CRIP2: variants seen among roughly 807,000 people sequenced by gnomAD.
The protein encoded by CRIP2 is cysteine rich protein 2, also known as cysteine-rich protein 2.
A neutral mutation model predicts 31.3 loss-of-function variants in CRIP2; 31 were observed. That is an observed-to-expected ratio of 0.99 (90% confidence interval 0.74 to 1.34). The LOEUF (loss-of-function observed/expected upper bound fraction) is 1.34. Among genes scored for constraint, CRIP2 ranks in the 40% most tolerant of loss-of-function variants. The pLI is 0.00. For synonymous variants in CRIP2, 177 were observed against 127.2 expected (o/e 1.39, Z -2.63); for missense variants, 389 against 301.6 (o/e 1.29, Z -2.15).
At chr14:105,473,392 G>A (rs113587804), upstream of CRIP2, 11 of 1,535,778 alleles carry the variant, frequency 7.2e-6, no homozygotes, top group Middle Eastern at 1.7e-4. Flanking sequence ...TGCAGGGTGT[G>A]TGTGCAAGGG....
rs748461792 is a variant in CRIP2 at position 105,479,294 on chromosome 14, T to A, written c.501+75T>A. ...GGGGGATGAGGGTGAGAGGCGCGCCTAGAGGGGATGGGGGGTGGTGCTTCT... is the reference window on the plus strand; with the variant it reads ...GGGGGATGAGGGTGAGAGGCGCGCCAAGAGGGGATGGGGGGTGGTGCTTCT... On this transcript the variant is annotated intron_variant, in intron 6 of 7. Transcript: ENST00000329146. The A allele has an allele frequency of 7.5e-6, 11 of 1,457,060 alleles. No homozygotes were observed. The East Asian group carries it at 2.6e-4, about 34-fold the overall frequency. 90.3% of individuals were successfully genotyped at this position (1,457,060 alleles called of 1,614,324 possible).
Position 105,474,836 on chromosome 14 carries a change from G to T in CRIP2, c.-27G>T. ...GCGGCCCGGAGGAGAACGGGCGGAG[G>T]GCGCGGGCCGACCGGGCGCACCGAC... On this transcript the variant is annotated 5_prime_UTR_variant, in exon 1 of 8. Coordinates refer to ENST00000329146, the MANE Select transcript of CRIP2 (RefSeq NM_001312.4). This position sits in a 1 kb window ranked among gnomAD's most constrained non-coding sequence, Gnocchi z 5.1. 1 of 1,459,068 alleles carries T rather than the reference G, an allele frequency of 6.9e-7. No individual in the cohort carries two copies. Among genetic ancestry groups the T allele is most frequent in the South Asian group, 1.3e-5 (1 of 76,290 alleles). 90.4% of individuals were successfully genotyped at this position (1,459,068 alleles called of 1,614,324 possible). A position where few individuals can be genotyped will look rare whatever the true frequency, so the allele number is the denominator to read the frequency against.
upstream of CRIP2, chr14:105,473,245 C>A (rs1057259743): frequency 6.5e-7 from 1 of 1,530,000 alleles, no homozygotes; most frequent in African/African-American, 1.4e-5. Context: ...AAGGTACTGA[C>A]TGATGCCTCC....
In CRIP2 at chr14:105,478,027, C is replaced by T. The variant is rs981910467; in HGVS notation, c.44-239C>T. ...CCCGGGCCCCTTCTCAAAGGCGGCTCTAGCGGGGTTCCAGGGCTGGGGGCG... is the reference window on the plus strand; with the variant it reads ...CCCGGGCCCCTTCTCAAAGGCGGCTTTAGCGGGGTTCCAGGGCTGGGGGCG... On this transcript the variant is annotated intron_variant, in intron 1 of 7. Coordinates refer to ENST00000329146, the MANE Select transcript of CRIP2 (RefSeq NM_001312.4). This position sits in a 1 kb window ranked among gnomAD's most constrained non-coding sequence, Gnocchi z 4.9. Among the ~76,000 whole-genome samples, 4 of 151,722 alleles carry T rather than the reference C, an allele frequency of 2.6e-5. No homozygotes were observed. The highest frequency in any genetic ancestry group is 2.0e-4 in the Admixed American group (3 of 15,262).
At position 105,479,508 on chromosome 14, in the gene CRIP2, G is replaced by T. The variant is rs371661421; in HGVS notation, c.559+15G>T. ...CGGACCCAAGGGTGAGTGTAGCCAGGGTGGTCCACGATGTCTTCCCTGCCC... is the reference window on the plus strand; with the variant it reads ...CGGACCCAAGGGTGAGTGTAGCCAGTGTGGTCCACGATGTCTTCCCTGCCC... On this transcript the variant is annotated intron_variant, in intron 7 of 7. Coordinates refer to ENST00000329146, the MANE Select transcript of CRIP2 (RefSeq NM_001312.4). The T allele has an allele frequency of 1.2e-6, 2 of 1,612,874 alleles. No individual in the cohort carries two copies. Among genetic ancestry groups the T allele is most frequent in the African/African-American group, 1.3e-5 (1 of 75,018 alleles).
intron 1 of CRIP2, chr14:105,477,339 A>G (rs1595452106): frequency 1.0e-6 from 1 of 985,516 alleles, no homozygotes; most frequent in East Asian, 1.1e-4. Flanking sequence ...AGTGGCAGCC[A>G]GGGGCATTAC....
At chr14:105,477,174 C>A in intron 1 of CRIP2, 1 of 663,326 alleles carries the variant, frequency 1.5e-6, no homozygotes, top group Non-Finnish European at 1.9e-6. Context: ...CTCTGCTGGG[C>A]CCTTCCTGCC....
upstream of CRIP2, chr14:105,473,460 A>C: frequency 2.6e-6 from 4 of 1,535,634 alleles, no homozygotes; most frequent in Non-Finnish European, 3.5e-6. Flanking sequence ...AGGAGCACCG[A>C]GGGCCTCTGG....
In CRIP2 at chr14:105,478,512, G is replaced by A. The variant is rs373608223; in HGVS notation, c.196+5G>A. On this transcript the variant is annotated splice_donor_5th_base_variant and intron_variant, in intron 3 of 7. Transcript: ENST00000329146. This position sits in a 1 kb window ranked among gnomAD's most constrained non-coding sequence, Gnocchi z 4.9. ...CCACCCTGTTCGGACCCAAAGGTGA[G>A]CTCCGGCTGCCCTCGGCCTGCCCTG... 5.0e-6 allele frequency: 8 copies of A among 1,607,728 alleles called. No homozygotes were observed. The African/African-American group carries it at 9.4e-5, about 19-fold the overall frequency.
In CRIP2 at chr14:105,478,376, CGGCGCGG is replaced by C; in HGVS notation, c.138+18_138+24del. 1 of 1,570,522 alleles carries C rather than the reference CGGCGCGG, an allele frequency of 6.4e-7. No homozygotes were observed. Among genetic ancestry groups the C allele is most frequent in the Non-Finnish European group, 8.6e-7 (1 of 1,160,926 alleles). On this transcript the variant is annotated intron_variant, in intron 2 of 7. Coordinates refer to ENST00000329146, the MANE Select transcript of CRIP2 (RefSeq NM_001312.4). This position sits in a 1 kb window ranked among gnomAD's most constrained non-coding sequence, Gnocchi z 4.9. ...CCACGCCGAGGTGAGCCCCACTGCG[CGGCGCGG>C]GCGGGGGCGGGGGTCGCGACTCCCG... is the stretch of plus-strand genomic sequence containing the variant.
rs1446949187 is a variant in CRIP2, at chr14:105,480,093, C to T, written c.*440C>T. 4 of 198,308 alleles carry T rather than the reference C, an allele frequency of 2.0e-5. No homozygotes were observed. The highest frequency in any genetic ancestry group is 1.8e-4 in the South Asian group (2 of 11,360). 12.3% of individuals were successfully genotyped at this position (198,308 alleles called of 1,614,324 possible). ...CCTGGTGCCCACACTGCCTCGCAAG[C>T]GCTCGCCACCCTCACGTGGCTCACC... On this transcript the variant is annotated 3_prime_UTR_variant, in exon 8 of 8. Transcript: ENST00000329146.
chr14:105,476,596 G>T (rs2083937483), intron 1 of CRIP2: 1 of 985,374 alleles, frequency 1.0e-6, no homozygotes, highest in Admixed American at 6.1e-5. Context: ...CCAGTTCCCT[G>T]CCCCCACTTG....
Position 105,478,771 on chromosome 14 carries a change from G to A in CRIP2, c.237G>A (p.Lys79=), listed in dbSNP as rs1320129869. ...GCGCGGGCTCCTACATCTACGAGAA[G>A]CCCCTGGCGGAGGGGCCGCAGGTCA... is the stretch of plus-strand genomic sequence containing the variant. The part of the protein sequence containing the change: ...IGGAGSYIYE[K]PLAEGPQVTG... Residue 79 remains lysine, a synonymous_variant, in exon 4 of 8, where the codon AAG becomes AAA. Coordinates refer to ENST00000329146, the MANE Select transcript of CRIP2 (RefSeq NM_001312.4). This position sits in a 1 kb window ranked among gnomAD's most constrained non-coding sequence, Gnocchi z 4.9. 7 of 1,431,160 alleles carry A rather than the reference G, an allele frequency of 4.9e-6. No homozygotes were observed. In the South Asian group the frequency reaches 5.9e-5, roughly 12 times the overall value. The allele number at this position is 1,431,160 out of a possible 1,614,324, so 88.7% of individuals were successfully genotyped here.
intron 1 of CRIP2, chr14:105,477,739 AGGCGGGCGTGTGGG>A (rs2141753638): frequency 1.6e-3 from 1 of 628 alleles, no homozygotes; most frequent in East Asian, 0.024. Context: ...GGGTGTGTGG[AGGCGGGCGTGTGGG>A]GGAGGCGGGT....
intron 1 of CRIP2, among the ~76,000 whole-genome samples, chr14:105,477,933 TGTTGGAG>T (rs2083981924): frequency 1.7e-5 from 1 of 57,380 alleles, no homozygotes; most frequent in Admixed American, 2.2e-4. Flanking sequence ...CGCGGGCAGG[TGTTGGAG>T]CGCGGGCAGG....
In CRIP2 at chr14:105,479,863, A is replaced by G; in HGVS notation, c.*210A>G. ...CCCTCTGGCATCCTCTGGGCGTCCC[A>G]TGATCCCTTCTGTGTCTGCGTGTCC... On this transcript the variant is annotated 3_prime_UTR_variant, in exon 8 of 8. Coordinates refer to ENST00000329146, the MANE Select transcript of CRIP2 (RefSeq NM_001312.4). The G allele has an allele frequency of 3.3e-6, 2 of 604,012 alleles. No individual in the cohort carries two copies. The highest frequency in any genetic ancestry group is 5.9e-6 in the Non-Finnish European group (2 of 339,080). 37.4% of individuals were successfully genotyped at this position (604,012 alleles called of 1,614,324 possible).
At position 105,478,341 on chromosome 14, in the gene CRIP2, C is replaced by G. The variant is rs781921179; in HGVS notation, c.119C>G (p.Thr40Arg). Residue 40 changes from threonine to arginine, a missense_variant, in exon 2 of 8, where the codon ACG becomes AGG. Transcript: ENST00000329146. The surrounding 1 kb of genome is among the most constrained non-coding windows in gnomAD (Gnocchi z 4.9). Reference protein sequence around the residue: ...LKCERCSKTLTPGGHAEHDGK... With the variant: ...LKCERCSKTLRPGGHAEHDGK... ...TGCGAGCGCTGCAGCAAGACGCTGA[C>G]GCCCGGGGGCCACGCCGAGGTGAGC... 1.9e-6 allele frequency: 3 copies of G among 1,560,662 alleles called. No homozygotes were observed. In the African/African-American group the frequency reaches 4.1e-5, roughly 22 times the overall value.
At chr14:105,477,495 T>C in intron 1 of CRIP2, 1 of 984,354 alleles carries the variant, frequency 1.0e-6, no homozygotes, top group Non-Finnish European at 1.2e-6. Context: ...AGCGGGGTGC[T>C]GCCAGCCCCA....
In CRIP2 at chr14:105,478,359, A is replaced by C; in HGVS notation, c.137A>C (p.Glu46Ala). ...ACGCTGACGCCCGGGGGCCACGCCG[A>C]GGTGAGCCCCACTGCGCGGCGCGGG... ...SKTLTPGGHA[E>A]HDGKPFCHKP... The change falls in exon 2 of 8, where the codon GAG becomes GCG. Residue 46 changes from glutamate (E) to alanine (A), a missense_variant and splice_region_variant. Glu to Ala is a moderately radical substitution (Grantham distance 107, BLOSUM62 -1). Coordinates refer to ENST00000329146, the MANE Select transcript of CRIP2 (RefSeq NM_001312.4). This position sits in a 1 kb window ranked among gnomAD's most constrained non-coding sequence, Gnocchi z 4.9. 1 of 1,567,958 alleles carries C rather than the reference A, an allele frequency of 6.4e-7. No homozygotes were observed. The highest frequency in any genetic ancestry group is 8.6e-7 in the Non-Finnish European group (1 of 1,159,850).
Sources: gnomAD v4.1 joint callset for allele counts (sites outside exome capture counted in the v4.1 genomes callset) on GRCh38, gnomAD v4.1.1 for gene constraint, Gnocchi (gnomAD v3.1) non-coding constraint, MANE v1.5 for transcripts, NCBI Gene and HGNC (gene_info 2026-07-23, HGNC 2026-07-21) for gene names.